ZBBX: variants seen among roughly 807,000 people sequenced by gnomAD.
The protein encoded by ZBBX is zinc finger B-box domain containing.
In ZBBX, 101 loss-of-function variants were observed where a neutral mutation model predicts 108.5. That is an observed-to-expected ratio of 0.93 (90% CI 0.79 to 1.10). ZBBX has a LOEUF of 1.10. Among genes scored for constraint, ZBBX ranks in the 50% least tolerant of loss-of-function variants. The pLI, the probability that ZBBX is intolerant of heterozygous loss-of-function variation, is 0.00. For missense variants in ZBBX, 1,009 were observed against 941.4 expected (o/e 1.07, Z -0.94); for synonymous variants, 356 against 323.4 (o/e 1.10, Z -1.08).
intron 12 of ZBBX, among the ~76,000 whole-genome samples, chr3:167,320,351 A>G (rs1736234816): frequency 6.6e-6 from 1 of 151,954 alleles, no homozygotes; most frequent in South Asian, 2.1e-4. Context: ...AAAATAAATA[A>G]CAATAATATT....
At chr3:167,380,687 G>A (rs1244250852), upstream of ZBBX, among the ~76,000 whole-genome samples, 1 of 152,086 alleles carries the variant, frequency 6.6e-6, no homozygotes, top group Non-Finnish European at 1.5e-5. Context: ...AATTCAAGGA[G>A]TTTAGTCTCA....
chr3:167,374,541 C>T (rs1746646978), intron 2 of ZBBX, among the ~76,000 whole-genome samples: 1 of 152,098 alleles, frequency 6.6e-6, no homozygotes, highest in African/African-American at 2.4e-5. Context: ...CCATTTGATG[C>T]TGTCATTTAT....
intron 20 of ZBBX, among the ~76,000 whole-genome samples, chr3:167,274,912 C>T (rs1727230245): frequency 6.6e-6 from 1 of 152,118 alleles, no homozygotes; most frequent in South Asian, 2.1e-4. Flanking sequence ...CACTTGTGAC[C>T]TTGTTTGACA....
intron 20 of ZBBX, among the ~76,000 whole-genome samples, chr3:167,257,902 C>A (rs57514547): frequency 0.083 from 12,658 of 151,922 alleles, 1,518 homozygotes; most frequent in African/African-American, 0.27. Context: ...GGGTATTAGT[C>A]CTTTGTCACA....
chr3:167,263,569 G>A (rs1724956971), intron 20 of ZBBX, among the ~76,000 whole-genome samples: 1 of 152,004 alleles, frequency 6.6e-6, no homozygotes, highest in Admixed American at 6.6e-5. Flanking sequence ...ATTTCACTGT[G>A]GTCAGAGAAT....
At chr3:167,248,765 C>A (rs1722044892) in intron 20 of ZBBX, 1 of 411,844 alleles carries the variant, frequency 2.4e-6, no homozygotes, top group African/African-American at 2.1e-5. Flanking sequence ...GGCCATGCTT[C>A]ATGGCATAAA....
chr3:167,362,929 G>A (rs1358750353), intron 6 of ZBBX, among the ~76,000 whole-genome samples: 1 of 151,646 alleles, frequency 6.6e-6, no homozygotes, highest in Non-Finnish European at 1.5e-5. Context: ...TCACATTTCT[G>A]CTTGACAGTC....
At chr3:167,362,279 A>G (rs1744647265) in intron 6 of ZBBX, among the ~76,000 whole-genome samples, 2 of 152,122 alleles carry the variant, frequency 1.3e-5, no homozygotes, top group South Asian at 2.1e-4. Context: ...CCTTATTAAC[A>G]TGCTGACTCC....
chr3:167,306,978 A>G (rs1733756935), intron 16 of ZBBX, among the ~76,000 whole-genome samples: 1 of 152,166 alleles, frequency 6.6e-6, no homozygotes, highest in African/African-American at 2.4e-5. Context: ...CACCAATTTC[A>G]GATAGTATTT....
At chr3:167,306,475 A>C (rs1733666042) in intron 16 of ZBBX, among the ~76,000 whole-genome samples, 1 of 152,210 alleles carries the variant, frequency 6.6e-6, no homozygotes, top group Admixed American at 6.5e-5. Context: ...ACAAGATTGT[A>C]TTAGTCATCT....
intron 16 of ZBBX, among the ~76,000 whole-genome samples, chr3:167,310,900 T>C (rs1734465944): frequency 6.6e-6 from 1 of 152,214 alleles, no homozygotes; most frequent in African/African-American, 2.4e-5. Flanking sequence ...AGATTTAATA[T>C]TGTTAAGATA....
chr3:167,317,369 T>C (rs1735637169), intron 13 of ZBBX, 119 bp downstream of exon 13: 1 of 742,320 alleles, frequency 1.3e-6, no homozygotes, highest in African/African-American at 1.8e-5. Context: ...GAGAAAAGAT[T>C]ACATGGTACA....
At chr3:167,298,237 G>T in intron 18 of ZBBX, 68 bp downstream of exon 18, 1 of 1,255,914 alleles carries the variant, frequency 8.0e-7, no homozygotes, top group Non-Finnish European at 1.1e-6. Flanking sequence ...TTTATCCATT[G>T]AACAGAATTG....
chr3:167,229,086 A>G, the ZBBX span, among the ~76,000 whole-genome samples: 1 of 151,962 alleles, frequency 6.6e-6, no homozygotes, highest in East Asian at 1.9e-4. Context: ...GCATGAATTC[A>G]GTATCTTTCG....
chr3:167,350,177 T>C (rs1325890772), intron 9 of ZBBX, among the ~76,000 whole-genome samples: 5 of 152,066 alleles, frequency 3.3e-5, no homozygotes, highest in African/African-American at 1.2e-4. Flanking sequence ...TCAGAATACA[T>C]AATCTGAAGA....
chr3:167,341,431 A>T (rs1296688480), intron 9 of ZBBX, among the ~76,000 whole-genome samples: 1 of 151,902 alleles, frequency 6.6e-6, no homozygotes, highest in Non-Finnish European at 1.5e-5. Context: ...ATAAGACAAC[A>T]TATAAATGGA....
intron 15 of ZBBX, among the ~76,000 whole-genome samples, 191 bp downstream of exon 15, chr3:167,315,559 A>G (rs1013562822): frequency 4.6e-5 from 7 of 152,214 alleles, no homozygotes; most frequent in African/African-American, 1.7e-4. Flanking sequence ...ACAGTTTTCT[A>G]ATTGCTGAAT....
At chr3:167,385,570 G>A (rs1193587129) in intron 1 of ZBBX, among the ~76,000 whole-genome samples, 1 of 151,468 alleles carries the variant, frequency 6.6e-6, no homozygotes, top group Non-Finnish European at 1.5e-5. Flanking sequence ...TAAACTTTTT[G>A]ACCCTTTTGT....
chr3:167,332,356 T>C (rs1738802392), intron 10 of ZBBX, among the ~76,000 whole-genome samples: 1 of 152,082 alleles, frequency 6.6e-6, no homozygotes, highest in Admixed American at 6.6e-5. Flanking sequence ...TGTATTTCTT[T>C]AATGTTTCTC....
Sources: gnomAD v4.1 joint callset for allele counts (sites outside exome capture counted in the v4.1 genomes callset) on GRCh38, gnomAD v4.1.1 for gene constraint, MANE v1.5 for transcripts, NCBI Gene and HGNC (gene_info 2026-07-23, HGNC 2026-07-21) for gene names.